SH3KBP1: variants seen among roughly 807,000 people sequenced by gnomAD.
SH3KBP1 encodes SH3 domain-containing kinase-binding protein 1.
A neutral mutation model predicts 50.1 loss-of-function variants in SH3KBP1; 8 were observed. The observed-to-expected ratio is 0.16, with a 90% CI of 0.09 to 0.29. The LOEUF (loss-of-function observed/expected upper bound fraction) is 0.29. Ranked by LOEUF, SH3KBP1 falls within the 10% of genes least tolerant of loss-of-function variation. The pLI is 1.00. For synonymous variants in SH3KBP1, 227 were observed against 218.6 expected, an observed-to-expected ratio of 1.04 and a Z score of -0.34; for missense variants, 377 against 535.2, an observed-to-expected ratio of 0.70 and a Z score of 2.92.
At chrX:19,673,512 C>T (rs772028436) in intron 6 of SH3KBP1, among the ~76,000 whole-genome samples, 204 of 111,394 alleles carry the variant, frequency 1.8e-3, no homozygotes, top group Non-Finnish European at 3.2e-3. Context: ...CAGGCAACGG[C>T]GATCCAGCTT....
chrX:19,664,647 G>T (rs1274151422), intron 6 of SH3KBP1: 1 of 111,856 alleles, frequency 8.9e-6, no homozygotes, highest in Non-Finnish European at 1.9e-5. Flanking sequence ...ACCCTTCACT[G>T]GAAAGTACAG....
intron 1 of SH3KBP1, among the ~76,000 whole-genome samples, chrX:19,863,250 T>C (rs1429041260): frequency 9.0e-6 from 1 of 110,528 alleles, no homozygotes; most frequent in Non-Finnish European, 1.9e-5. Flanking sequence ...CAGGCTGGAG[T>C]ACAGTGACAG....
intron 2 of SH3KBP1, among the ~76,000 whole-genome samples, chrX:19,810,116 T>G (rs1364342770): frequency 8.9e-6 from 1 of 111,743 alleles, no homozygotes; most frequent in Non-Finnish European, 1.9e-5. Context: ...TTCTAGCCAC[T>G]CTGGGAAGAG....
chrX:19,784,899 G>A (rs892045705), intron 2 of SH3KBP1, among the ~76,000 whole-genome samples: 28 of 111,435 alleles, frequency 2.5e-4, no homozygotes, highest in Admixed American at 6.7e-4. Context: ...GTGAGCCACC[G>A]CGCCCAGCCT....
At chrX:19,708,853 AAACC>A (rs755245851) in intron 3 of SH3KBP1, among the ~76,000 whole-genome samples, 2 of 112,010 alleles carry the variant, frequency 1.8e-5, no homozygotes, top group African/African-American at 6.5e-5. Context: ...AAACGTCTGA[AAACC>A]AACACTCACA....
intron 1 of SH3KBP1, among the ~76,000 whole-genome samples, chrX:19,871,686 G>T (rs927992694): frequency 1.8e-5 from 2 of 111,907 alleles, no homozygotes; most frequent in African/African-American, 6.5e-5. Flanking sequence ...GCGTTGAGAT[G>T]GTTCATCCAG....
chrX:19,750,152 G>A (rs190915262), intron 2 of SH3KBP1, among the ~76,000 whole-genome samples: 28 of 111,307 alleles, frequency 2.5e-4, no homozygotes, highest in Admixed American at 9.5e-4. Flanking sequence ...CTCCACTTCC[G>A]GGTTCAGGCA....
chrX:19,799,858 G>A, intron 2 of SH3KBP1: 1 of 992,928 alleles, frequency 1.0e-6, no homozygotes, highest in African/African-American at 2.0e-5. Context: ...CACACTGGTG[G>A]TTTTTTTGTA....
chrX:19,777,636 G>C (rs1279571036), intron 2 of SH3KBP1, among the ~76,000 whole-genome samples: 2 of 111,803 alleles, frequency 1.8e-5, no homozygotes, highest in African/African-American at 6.5e-5. Context: ...GCTACCCCTA[G>C]AAGTCTGGAC....
chrX:19,534,767 G>A lies in SH3KBP1; in HGVS notation c.*1650C>T. The A allele has an allele frequency of 3.4e-6, 1 of 296,378 alleles. No individual in the cohort carries two copies. The highest frequency in any genetic ancestry group is 2.0e-4 in the South Asian group (1 of 4,896). The allele number at this position is 296,378 out of a possible 1,213,427, so 24.4% of individuals were successfully genotyped here. On this transcript the variant is annotated 3_prime_UTR_variant, in exon 18 of 18. Coordinates refer to ENST00000397821, the MANE Select transcript of SH3KBP1 (RefSeq NM_031892.3). ...CCACCCAGGAAGACCAAGGTGTTTG[G>A]GCTCCTTAAATACTCGGAGGGAAAT... is the stretch of plus-strand genomic sequence containing the variant.
chrX:19,738,647 C>T (rs1044486264), intron 3 of SH3KBP1, among the ~76,000 whole-genome samples: 2 of 97,269 alleles, frequency 2.1e-5, no homozygotes, highest in African/African-American at 8.0e-5. Flanking sequence ...ACCGATTATA[C>T]GGACTCTGAC....
intron 6 of SH3KBP1, among the ~76,000 whole-genome samples, chrX:19,658,852 C>T (rs769067546): frequency 4.0e-4 from 45 of 111,418 alleles, no homozygotes; most frequent in Non-Finnish European, 7.2e-4. Flanking sequence ...CCACCACACC[C>T]GGCCAATGAT....
intron 1 of SH3KBP1, among the ~76,000 whole-genome samples, chrX:19,844,922 A>G (rs1286898210): frequency 9.0e-6 from 1 of 110,903 alleles, no homozygotes; most frequent in East Asian, 2.8e-4. Flanking sequence ...TACTAAAAAT[A>G]CAAAAAAATT....
At chrX:19,764,800 C>T (rs2065541835) in intron 2 of SH3KBP1, among the ~76,000 whole-genome samples, 1 of 106,590 alleles carries the variant, frequency 9.4e-6, no homozygotes, top group South Asian at 4.2e-4. Context: ...GTGGAGTGGA[C>T]ATGCGCTCCA....
chrX:19,668,840 T>G (rs911114223), intron 6 of SH3KBP1, among the ~76,000 whole-genome samples: 2 of 67,905 alleles, frequency 2.9e-5, no homozygotes, highest in Non-Finnish European at 5.2e-5. Context: ...GGCGACAGGG[T>G]GAGACTGTGT....
intron 2 of SH3KBP1, among the ~76,000 whole-genome samples, chrX:19,778,369 T>TA (rs1433765621): frequency 1.0e-5 from 1 of 99,020 alleles, no homozygotes; most frequent in Non-Finnish European, 2.0e-5. Flanking sequence ...AGGCTGAGGT[T>TA]ACAGTGAGCC....
At chrX:19,610,529 A>C (rs916659149) in intron 8 of SH3KBP1, among the ~76,000 whole-genome samples, 9 of 112,255 alleles carry the variant, frequency 8.0e-5, no homozygotes, top group Non-Finnish European at 7.5e-5. Context: ...GTACAGTGTT[A>C]ATTTGCAATT....
intron 2 of SH3KBP1, among the ~76,000 whole-genome samples, chrX:19,750,721 T>C (rs943448043): frequency 9.0e-6 from 1 of 110,884 alleles, no homozygotes; most frequent in African/African-American, 3.3e-5. Context: ...GCTCTAAAAA[T>C]AGGTGATGAT....
intron 4 of SH3KBP1, among the ~76,000 whole-genome samples, chrX:19,706,401 G>A (rs939985312): frequency 5.4e-5 from 6 of 110,485 alleles, no homozygotes; most frequent in South Asian, 3.8e-4. Context: ...TCCTCATCCC[G>A]CACAATAAAC....
Sources: allele counts gnomAD v4.1 joint callset (sites outside exome capture counted in the v4.1 genomes callset), GRCh38; gene constraint gnomAD v4.1.1; transcripts MANE v1.5; gene names NCBI Gene and HGNC (gene_info 2026-07-23, HGNC 2026-07-21).